The following PCDHA9 variants were observed in gnomAD, a reference collection of about 807,000 sequenced individuals.
PCDHA9 encodes protocadherin alpha 9.
In PCDHA9, 62 loss-of-function variants were observed where a neutral mutation model predicts 62.0. The observed-to-expected ratio is 1.00, with a 90% CI of 0.81 to 1.23. The LOEUF (loss-of-function observed/expected upper bound fraction) is 1.23, where lower values mean the gene tolerates loss of function less well. PCDHA9 is among the 50% of genes most tolerant of loss of function. The pLI, the probability that PCDHA9 is intolerant of heterozygous loss-of-function variation, is 0.00. For missense variants in PCDHA9, 1,205 were observed against 1,249.8 expected (o/e 0.96, Z 0.54); for synonymous variants, 557 against 567.6 (o/e 0.98, Z 0.27).
At chr5:140,931,884 T>A (rs1554208638) in intron 1 of PCDHA9, among the ~76,000 whole-genome samples, 1 of 151,972 alleles carries the variant, frequency 6.6e-6, no homozygotes, top group Non-Finnish European at 1.5e-5. Flanking sequence ...ATTGCTTTCA[T>A]TTTATTTCAA....
At chr5:140,934,528 G>C (rs782284913) in intron 1 of PCDHA9, among the ~76,000 whole-genome samples, 1 of 152,116 alleles carries the variant, frequency 6.6e-6, no homozygotes, top group African/African-American at 2.4e-5. Flanking sequence ...CACTTCGAGA[G>C]CTACCGTTCT....
chr5:140,883,580 AC>A, intron 1 of PCDHA9: 1 of 1,613,994 alleles, frequency 6.2e-7, no homozygotes. Flanking sequence ...GCTGTGGGCC[AC>A]GGCCAGCGTG....
chr5:140,942,601 G>T (rs562403777), intron 1 of PCDHA9, among the ~76,000 whole-genome samples: 1 of 130,586 alleles, frequency 7.7e-6, no homozygotes, highest in South Asian at 2.4e-4. Flanking sequence ...TAATTATAGT[G>T]TTTATATTTG....
chr5:140,884,467 G>A (rs199814121), intron 1 of PCDHA9: 6 of 1,613,778 alleles, frequency 3.7e-6, no homozygotes, highest in Non-Finnish European at 5.1e-6. Context: ...GCGCGTGCGC[G>A]CCGGGCAAGC....
intron 1 of PCDHA9, chr5:140,877,832 C>T (rs782156769): frequency 1.9e-6 from 3 of 1,591,692 alleles, no homozygotes; most frequent in African/African-American, 2.7e-5. Flanking sequence ...TTAAATCCTC[C>T]CAGTGAAGTA....
intron 3 of PCDHA9, among the ~76,000 whole-genome samples, chr5:140,992,867 C>T (rs2097531825): frequency 6.6e-6 from 1 of 152,184 alleles, no homozygotes; most frequent in Admixed American, 6.5e-5. Context: ...CTCTAGCTCC[C>T]TCCTTGATAT....
intron 1 of PCDHA9, among the ~76,000 whole-genome samples, chr5:140,955,262 CT>C (rs1165777806): frequency 3.9e-5 from 6 of 152,044 alleles, no homozygotes; most frequent in African/African-American, 1.4e-4. Flanking sequence ...TATAAAGGCT[CT>C]TTTTTGGTTC....
intron 3 of PCDHA9, among the ~76,000 whole-genome samples, chr5:140,994,367 G>C (rs2097617491): frequency 6.6e-6 from 1 of 152,110 alleles, no homozygotes; most frequent in African/African-American, 2.4e-5. Context: ...AGATGGAATT[G>C]GAAATTCAGG....
In PCDHA9 at chr5:140,876,858, G is replaced by A. The variant is rs201724019; in HGVS notation, c.2394+25969G>A. The A allele has an allele frequency of 1.3e-4, 215 of 1,614,152 alleles. No homozygotes were observed. In the East Asian group the frequency reaches 3.0e-3, roughly 22 times the overall value. ...CGTTCGCGCAGCCCGAGTACACAGT[G>A]TTCGTGAAGGAGAACAACCCGCCGG... On this transcript the variant is annotated intron_variant, in intron 1 of 3. Transcript: ENST00000532602.
intron 1 of PCDHA9, among the ~76,000 whole-genome samples, chr5:140,907,440 C>T (rs781836409): frequency 4.6e-5 from 7 of 152,222 alleles, no homozygotes; most frequent in Non-Finnish European, 1.0e-4. Flanking sequence ...TGTGAGTCCA[C>T]AGATGGTAAT....
At chr5:140,854,512 G>A (rs1265756710) in intron 1 of PCDHA9, 2 of 149,810 alleles carry the variant, frequency 1.3e-5, no homozygotes, top group Admixed American at 6.7e-5. Context: ...TAAACTGATG[G>A]ATTAAGTGAC....
chr5:140,970,425 C>T (rs1554232453), intron 1 of PCDHA9, among the ~76,000 whole-genome samples: 1 of 151,722 alleles, frequency 6.6e-6, no homozygotes, highest in Non-Finnish European at 1.5e-5. Flanking sequence ...GGTGTAGAGG[C>T]AGGTGTTAGT....
At chr5:140,855,628 C>T (rs1199061647) in intron 1 of PCDHA9, among the ~76,000 whole-genome samples, 1 of 149,588 alleles carries the variant, frequency 6.7e-6, no homozygotes, top group Non-Finnish European at 1.5e-5. Flanking sequence ...TTTTGAAATT[C>T]GGCTATTGAT....
chr5:140,878,040 C>T, intron 1 of PCDHA9: 1 of 533,272 alleles, frequency 1.9e-6, no homozygotes, highest in Non-Finnish European at 3.0e-6. Flanking sequence ...ACAATGGAGG[C>T]CATGGAGCAC....
At chr5:140,858,028 C>T (rs1192934836) in intron 1 of PCDHA9, 1 of 1,596,786 alleles carries the variant, frequency 6.3e-7, no homozygotes, top group Non-Finnish European at 8.6e-7. Context: ...CGCTGACGGC[C>T]ACGGCCACTG....
intron 1 of PCDHA9, among the ~76,000 whole-genome samples, chr5:140,945,280 A>G (rs1482777954): frequency 6.6e-6 from 1 of 152,146 alleles, no homozygotes; most frequent in Non-Finnish European, 1.5e-5. Flanking sequence ...ACTTTAAAAC[A>G]TTGATGAAAG....
intron 3 of PCDHA9, among the ~76,000 whole-genome samples, chr5:140,985,840 T>C (rs1441638586): frequency 2.0e-5 from 3 of 149,512 alleles, no homozygotes; most frequent in African/African-American, 7.4e-5. Flanking sequence ...CCCGGGTTCA[T>C]GCCACTCTCC....
chr5:140,969,454 A>T, intron 1 of PCDHA9: 1 of 1,511,824 alleles, frequency 6.6e-7, no homozygotes. Flanking sequence ...AACTGAGTAT[A>T]TATAGTATCC....
chr5:140,863,212 C>A, intron 1 of PCDHA9: 1 of 1,051,288 alleles, frequency 9.5e-7, no homozygotes, highest in Non-Finnish European at 1.4e-6. Flanking sequence ...GGAGAGCAGC[C>A]AAGCGAGGAA....
Sources: allele counts gnomAD v4.1 joint callset (sites outside exome capture counted in the v4.1 genomes callset), GRCh38; gene constraint gnomAD v4.1.1; transcripts MANE v1.5; gene names NCBI Gene and HGNC (gene_info 2026-07-23, HGNC 2026-07-21).